Variants in KIF13B observed in about 807,000 individuals in gnomAD.
KIF13B encodes the protein kinesin-like protein KIF13B.
A neutral mutation model predicts 222.0 loss-of-function variants in KIF13B; 127 were observed. The ratio of observed to expected loss-of-function variants is 0.57; its 90% CI spans 0.50 to 0.66. The LOEUF is 0.66. Among genes scored for constraint, KIF13B ranks in the 30% least tolerant of loss-of-function variants. KIF13B has a pLI of 0.00. For synonymous variants in KIF13B, 976 were observed against 919.0 expected (o/e 1.06, Z -1.12); for missense variants, 2,173 against 2,379.0 (o/e 0.91, Z 1.80).
At chr8:29,183,645 A>G (rs555692720) in intron 6 of KIF13B, among the ~76,000 whole-genome samples, 1 of 152,354 alleles carries the variant, frequency 6.6e-6, no homozygotes, top group South Asian at 2.1e-4. Flanking sequence ...TAGAACAGCA[A>G]GAATAATGTC....
chr8:29,189,939 AT>A (rs1813103244), intron 4 of KIF13B: 1 of 152,268 alleles, frequency 6.6e-6, no homozygotes, highest in African/African-American at 2.4e-5. Context: ...AAAAACTCTA[AT>A]AGCAAACACG....
intron 1 of KIF13B, among the ~76,000 whole-genome samples, chr8:29,262,531 C>T (rs1816716828): frequency 6.6e-6 from 1 of 151,854 alleles, no homozygotes; most frequent in Non-Finnish European, 1.5e-5. Flanking sequence ...GACGCGGGGT[C>T]CCGGGGGGTC....
intron 6 of KIF13B, among the ~76,000 whole-genome samples, chr8:29,185,548 C>T (rs1449652486): frequency 6.6e-6 from 1 of 152,194 alleles, no homozygotes; most frequent in Non-Finnish European, 1.5e-5. Flanking sequence ...TCATCTTGGT[C>T]AAGGAAAACT....
chr8:29,239,109 G>C (rs969917169), intron 2 of KIF13B, among the ~76,000 whole-genome samples: 1 of 152,164 alleles, frequency 6.6e-6, no homozygotes, highest in African/African-American at 2.4e-5. Flanking sequence ...GATGTCTTTA[G>C]CACTGTGTTA....
intron 2 of KIF13B, among the ~76,000 whole-genome samples, chr8:29,209,107 G>A (rs773688347): frequency 3.9e-5 from 6 of 152,322 alleles, no homozygotes; most frequent in Non-Finnish European, 7.3e-5. Flanking sequence ...GACACCAACA[G>A]AATAGTAACA....
chr8:29,212,038 T>A (rs1257837518), intron 2 of KIF13B, among the ~76,000 whole-genome samples: 2 of 152,212 alleles, frequency 1.3e-5, no homozygotes, highest in Non-Finnish European at 2.9e-5. Context: ...CAGTACTTTA[T>A]TCCTTTTTTA....
chr8:29,097,483 C>A (rs762857693), intron 36 of KIF13B, among the ~76,000 whole-genome samples: 3 of 152,124 alleles, frequency 2.0e-5, no homozygotes, highest in Non-Finnish European at 2.9e-5. Flanking sequence ...GGCAATAAAC[C>A]ACAGTGACCT....
intron 21 of KIF13B, among the ~76,000 whole-genome samples, chr8:29,136,608 TTAATTAAAA>T (rs1369825559): frequency 4.0e-5 from 6 of 151,390 alleles, no homozygotes; most frequent in African/African-American, 1.5e-4. Context: ...AATTAATTAA[TTAATTAAAA>T]TAAATAAATC....
intron 10 of KIF13B, among the ~76,000 whole-genome samples, chr8:29,169,437 G>A (rs2130181882): frequency 6.6e-6 from 1 of 152,288 alleles, no homozygotes. Flanking sequence ...CAGGCCTGAA[G>A]ATTAAATAAG....
intron 37 of KIF13B, among the ~76,000 whole-genome samples, chr8:29,085,449 C>A (rs1807999171): frequency 6.6e-6 from 1 of 152,150 alleles, no homozygotes; most frequent in Non-Finnish European, 1.5e-5. Flanking sequence ...ATTCCTCAGT[C>A]CTTACCTGGA....
chr8:29,133,024 A>T (rs1810412024), intron 22 of KIF13B, among the ~76,000 whole-genome samples: 1 of 152,212 alleles, frequency 6.6e-6, no homozygotes, highest in Non-Finnish European at 1.5e-5. Flanking sequence ...AAATCACAGA[A>T]TCTCCTATCT....
intron 7 of KIF13B, 93 bp from the exon 8 acceptor site, chr8:29,180,331 T>C: frequency 7.7e-7 from 1 of 1,299,174 alleles, no homozygotes; most frequent in Non-Finnish European, 1.1e-6. Flanking sequence ...CAAGTTTTGC[T>C]ACTTAGTCAA....
intron 7 of KIF13B, among the ~76,000 whole-genome samples, chr8:29,181,003 C>A (rs1812690018): frequency 6.6e-6 from 1 of 152,216 alleles, no homozygotes. Flanking sequence ...AGTAGGGCAG[C>A]CCAATCTTCA....
rs536843620 is a variant in KIF13B, at chr8:29,203,751, G to A, written c.150-7552C>T. On this transcript the variant is annotated intron_variant, in intron 2 of 39. Coordinates refer to ENST00000524189, the MANE Select transcript of KIF13B (RefSeq NM_015254.4). ...ACTAAAAATACAAAATAAATTAGCC[G>A]GGCATTGTGGTGCATGCCTGTAATC... 9.9e-5 allele frequency among the ~76,000 whole-genome samples: 15 copies of A among 151,976 alleles called. No homozygotes were observed. In the East Asian group the frequency reaches 1.7e-3, roughly 18 times the overall value.
intron 1 of KIF13B, among the ~76,000 whole-genome samples, chr8:29,247,880 T>C (rs1035754231): frequency 3.0e-5 from 4 of 132,614 alleles, no homozygotes; most frequent in African/African-American, 1.1e-4. Flanking sequence ...AATTTTTAAA[T>C]AGGCAAAGGA....
At chr8:29,234,716 A>C (rs188147371) in intron 2 of KIF13B, among the ~76,000 whole-genome samples, 1 of 151,828 alleles carries the variant, frequency 6.6e-6, no homozygotes, top group East Asian at 1.9e-4. Flanking sequence ...AGGAAAGAAA[A>C]AGTAATGTGA....
chr8:29,151,674 A>G (rs1447914861), intron 14 of KIF13B, among the ~76,000 whole-genome samples: 1 of 152,218 alleles, frequency 6.6e-6, no homozygotes, highest in Admixed American at 6.5e-5. Flanking sequence ...TTTTAAGCCC[A>G]CTGTTGAGAC....
chr8:29,129,913 G>A (rs1032972211), intron 24 of KIF13B, among the ~76,000 whole-genome samples: 2 of 152,214 alleles, frequency 1.3e-5, no homozygotes, highest in South Asian at 2.1e-4. Context: ...CTACATAACA[G>A]GCGAAGGCAA....
chr8:29,087,153 A>C (rs569294620), intron 37 of KIF13B, among the ~76,000 whole-genome samples: 8 of 152,364 alleles, frequency 5.3e-5, no homozygotes, highest in African/African-American at 1.9e-4. Flanking sequence ...TGTATATAAC[A>C]CAGTCTCCCA....
Sources: allele counts gnomAD v4.1 joint callset (sites outside exome capture counted in the v4.1 genomes callset), GRCh38; gene constraint gnomAD v4.1.1; transcripts MANE v1.5; gene names NCBI Gene and HGNC (gene_info 2026-07-23, HGNC 2026-07-21).